Variants in SLX9 observed in about 807,000 individuals in gnomAD.
The protein encoded by SLX9 is SLX9 ribosome biogenesis factor.
In SLX9, 19 loss-of-function variants were observed where a neutral mutation model predicts 20.8. The ratio of observed to expected loss-of-function variants is 0.91; its 90% CI spans 0.64 to 1.34. SLX9 has a LOEUF of 1.34. Among genes scored for constraint, SLX9 ranks in the 40% most tolerant of loss-of-function variants. The pLI is 0.00. For missense variants in SLX9, 299 were observed against 322.2 expected (o/e 0.93, Z 0.55); for synonymous variants, 113 against 137.1 (o/e 0.82, Z 1.23).
intron 2 of SLX9, among the ~76,000 whole-genome samples, chr21:44,947,429 G>A (rs1264907407): frequency 6.6e-6 from 1 of 152,196 alleles, no homozygotes; most frequent in African/African-American, 2.4e-5. Context: ...TCTAGGCTGT[G>A]GCCCATCACC....
chr21:44,972,487 A>G (rs2085169144), intron 4 of SLX9, among the ~76,000 whole-genome samples: 1 of 152,178 alleles, frequency 6.6e-6, no homozygotes, highest in Admixed American at 6.5e-5. Flanking sequence ...ACTAAAGGAA[A>G]TAGCCAGCAG....
chr21:44,957,479 A>G (rs1161514227), intron 2 of SLX9, among the ~76,000 whole-genome samples: 4 of 152,098 alleles, frequency 2.6e-5, no homozygotes, highest in Admixed American at 6.5e-5. Context: ...TCCACCATCC[A>G]TCTGCCCTGT....
At chr21:44,968,024 G>C (rs1397331022) in intron 4 of SLX9, among the ~76,000 whole-genome samples, 1 of 148,430 alleles carries the variant, frequency 6.7e-6, no homozygotes, top group African/African-American at 2.6e-5. Context: ...GGGGTGGTGG[G>C]TTCTGGGCCC....
At position 44,976,788 on chromosome 21, in the gene SLX9, T is replaced by A. The variant is rs1466606800; in HGVS notation, c.678T>A (p.Asp226Glu). 2 of 1,545,518 alleles carry A rather than the reference T, an allele frequency of 1.3e-6. No individual in the cohort carries two copies. The highest frequency in any genetic ancestry group is 2.7e-5 in the African/African-American group (2 of 73,062). ...TGGCCCGGCAGATGCAGCTGGAAGATGGCGGCCAGCTCTGACCAGGGCAGC... is the reference window on the plus strand; with the variant it reads ...TGGCCCGGCAGATGCAGCTGGAAGAAGGCGGCCAGCTCTGACCAGGGCAGC... ...QTLARQMQLE[D>E]GGQL is the part of the protein sequence containing the mutation. Residue 226 changes from aspartate (D) to glutamate (E), a missense_variant, in exon 6 of 6, where the codon GAT (aspartate) becomes GAA (glutamate). By Grantham distance (45) the Asp-to-Glu change is conservative (BLOSUM62 2). Transcript: ENST00000291634.
intron 2 of SLX9, chr21:44,959,335 T>A: frequency 2.2e-6 from 2 of 906,900 alleles, no homozygotes; most frequent in Non-Finnish European, 2.6e-6. Flanking sequence ...GGAAATCAGT[T>A]AAGGCCGAGG....
intron 3 of SLX9, among the ~76,000 whole-genome samples, chr21:44,962,950 C>T (rs1460236575): frequency 6.6e-6 from 1 of 152,192 alleles, no homozygotes; most frequent in Non-Finnish European, 1.5e-5. Context: ...GTTTCAGCGT[C>T]AGTGAAATTC....
chr21:44,955,651 C>T (rs1000298841), intron 2 of SLX9, among the ~76,000 whole-genome samples: 1 of 152,190 alleles, frequency 6.6e-6, no homozygotes, highest in Admixed American at 6.5e-5. Context: ...TCCTGAGCAG[C>T]TGGGACCACA....
At chr21:44,974,210 T>C (rs536038093) in intron 5 of SLX9, among the ~76,000 whole-genome samples, 1 of 151,902 alleles carries the variant, frequency 6.6e-6, no homozygotes, top group East Asian at 2.0e-4. Flanking sequence ...TGGTTTGAAA[T>C]GGCTTTACTC....
chr21:44,951,534 T>C (rs2146627997), intron 2 of SLX9, among the ~76,000 whole-genome samples: 1 of 152,260 alleles, frequency 6.6e-6, no homozygotes, highest in East Asian at 1.9e-4. Context: ...GACTTGAAGG[T>C]TAGGGATCAA....
Position 44,960,286 on chromosome 21 carries a change from C to G in SLX9, c.352+118C>G, listed in dbSNP as rs1601403563. 1.9e-5 allele frequency: 18 copies of G among 943,542 alleles called. No homozygotes were observed. The East Asian group carries it at 4.6e-4, about 24-fold the overall frequency. The allele number at this position is 943,542 out of a possible 1,614,324, so 58.4% of individuals were successfully genotyped here. A position where few individuals can be genotyped will look rare whatever the true frequency, so the allele number is the denominator to read the frequency against. ...ATCAGCCACACTCCCCGAGGAGTGCCCAAGGGGATCACCCAAGACACTTCA... is the reference window on the plus strand; with the variant it reads ...ATCAGCCACACTCCCCGAGGAGTGCGCAAGGGGATCACCCAAGACACTTCA... On this transcript the variant is annotated intron_variant, in intron 3 of 5. Transcript: ENST00000291634.
At chr21:44,975,170 G>C (rs946016598) in intron 5 of SLX9, among the ~76,000 whole-genome samples, 1 of 152,154 alleles carries the variant, frequency 6.6e-6, no homozygotes, top group Non-Finnish European at 1.5e-5. Flanking sequence ...TGAGTGGCTT[G>C]GATCCTTCGA....
intron 2 of SLX9, among the ~76,000 whole-genome samples, chr21:44,951,924 G>A (rs1027637490): frequency 4.7e-5 from 7 of 148,752 alleles, no homozygotes; most frequent in East Asian, 1.9e-4. Context: ...GGCCCAGGCG[G>A]GTGTGGGCTG....
intron 2 of SLX9, among the ~76,000 whole-genome samples, chr21:44,954,483 G>A (rs553075808): frequency 6.6e-6 from 1 of 152,286 alleles, no homozygotes; most frequent in Non-Finnish European, 1.5e-5. Context: ...AGCTCCGGCC[G>A]TCGGCAGGTT....
intron 2 of SLX9, among the ~76,000 whole-genome samples, chr21:44,956,967 A>G (rs2142494): frequency 0.9 from 137,272 of 152,332 alleles, 61,985 homozygotes; most frequent in African/African-American, 0.97. Context: ...GGTTCTGGCG[A>G]GGCGGTTGCC....
At chr21:44,944,894 T>C (rs2084615043) in intron 2 of SLX9, among the ~76,000 whole-genome samples, 1 of 152,178 alleles carries the variant, frequency 6.6e-6, no homozygotes, top group South Asian at 2.1e-4. Context: ...GAGGTAACAG[T>C]ATTTATCTCC....
chr21:44,957,686 T>C (rs1347258179), intron 2 of SLX9, among the ~76,000 whole-genome samples: 1 of 152,174 alleles, frequency 6.6e-6, no homozygotes, highest in African/African-American at 2.4e-5. Context: ...GGATGGCACC[T>C]GCAGCATGTT....
chr21:44,948,019 C>T lies in SLX9; in HGVS notation c.283+4182C>T, dbSNP rs545997907. ...GCCTCCCCCAACGCAGTGCCACCTG[C>T]TGTGCGTGCTGTGTGGCCAGCTCTA... On this transcript the variant is annotated intron_variant, in intron 2 of 5. Transcript: ENST00000291634. Among the ~76,000 whole-genome samples, 24 of 152,112 alleles carry T rather than the reference C, an allele frequency of 1.6e-4. 1 individual carries two copies. Among genetic ancestry groups the T allele is most frequent in the Admixed American group, 3.3e-4 (5 of 15,312 alleles).
chr21:44,975,047 T>C (rs1226987648), intron 5 of SLX9, among the ~76,000 whole-genome samples: 1 of 152,252 alleles, frequency 6.6e-6, no homozygotes, highest in Non-Finnish European at 1.5e-5. Context: ...TCGCTGCTTC[T>C]GAGAGGAGAG....
chr21:44,955,890 A>T (rs1177275855), intron 2 of SLX9, among the ~76,000 whole-genome samples: 1 of 152,210 alleles, frequency 6.6e-6, no homozygotes, highest in East Asian at 1.9e-4. Flanking sequence ...TGAACGTCTG[A>T]TACTTCACAG....
Sources: allele counts gnomAD v4.1 joint callset (sites outside exome capture counted in the v4.1 genomes callset), GRCh38; gene constraint gnomAD v4.1.1; transcripts MANE v1.5; gene names NCBI Gene and HGNC (gene_info 2026-07-23, HGNC 2026-07-21).